The following CRACDL variants were observed in gnomAD, a reference collection of about 807,000 sequenced individuals.
CRACDL encodes CRACD like.
Under a neutral mutation model 70.6 loss-of-function variants are expected in CRACDL, and 26 were observed. That is an observed-to-expected ratio of 0.37 (90% confidence interval 0.27 to 0.51). The LOEUF (loss-of-function observed/expected upper bound fraction) is 0.51, where lower values mean the gene tolerates loss of function less well. CRACDL is among the 20% of genes least tolerant of loss of function. The pLI is 0.94. For synonymous variants in CRACDL, 618 were observed against 615.2 expected, an observed-to-expected ratio of 1.00 and a Z score of -0.07; for missense variants, 1,283 against 1,376.9, an observed-to-expected ratio of 0.93 and a Z score of 1.08.
intron 7 of CRACDL, among the ~76,000 whole-genome samples, chr2:98,802,501 A>C (rs1047199486): frequency 6.0e-5 from 9 of 150,806 alleles, no homozygotes; most frequent in African/African-American, 2.2e-4. Context: ...GAAGATCTAA[A>C]ATGAACCCTT....
Position 98,904,654 on chromosome 2 carries a change from C to A in CRACDL, c.-11+31284G>T, listed in dbSNP as rs536533147. ...GAACAAAGCCACCTTTAATTTATTT[C>A]GTTTCATTCAAGAAGAACAAAACCA... On this transcript the variant is annotated intron_variant, in intron 1 of 9. Coordinates refer to ENST00000397899, the MANE Select transcript of CRACDL (RefSeq NM_207362.3). Among the ~76,000 whole-genome samples the A allele has an allele frequency of 3.9e-5, 6 of 152,352 alleles. No individual in the cohort carries two copies. The South Asian group carries it at 1.2e-3, about 32-fold the overall frequency.
At chr2:98,890,958 G>A (rs185626935) in intron 1 of CRACDL, among the ~76,000 whole-genome samples, 232 of 152,196 alleles carry the variant, frequency 1.5e-3, no homozygotes, top group African/African-American at 5.3e-3. Flanking sequence ...TTGGGAGGCT[G>A]AGGCAAGAGA....
intron 7 of CRACDL, among the ~76,000 whole-genome samples, chr2:98,811,560 T>C (rs1345476493): frequency 1.3e-5 from 2 of 149,328 alleles, no homozygotes; most frequent in Non-Finnish European, 3.0e-5. Flanking sequence ...CTTACATTTA[T>C]AGATAGTAAA....
At chr2:98,810,349 T>C (rs1704503119) in intron 7 of CRACDL, among the ~76,000 whole-genome samples, 1 of 152,164 alleles carries the variant, frequency 6.6e-6, no homozygotes, top group Non-Finnish European at 1.5e-5. Flanking sequence ...AAGCCTTAAA[T>C]GCCTTCTCTA....
chr2:98,808,138 A>C (rs185398052), intron 7 of CRACDL, among the ~76,000 whole-genome samples: 303 of 152,322 alleles, frequency 2.0e-3, no homozygotes, highest in Middle Eastern at 3.4e-3. Flanking sequence ...GCAGACCTGG[A>C]GCCTCACCAC....
intron 1 of CRACDL, among the ~76,000 whole-genome samples, chr2:98,855,265 T>A: frequency 6.7e-6 from 1 of 148,244 alleles, no homozygotes. Flanking sequence ...CAGCCTGGGC[T>A]ACAGAGCAAG....
At chr2:98,799,867 C>T (rs915386967) in intron 7 of CRACDL, among the ~76,000 whole-genome samples, 1 of 152,174 alleles carries the variant, frequency 6.6e-6, no homozygotes, top group Non-Finnish European at 1.5e-5. Flanking sequence ...CCTCCTGGGG[C>T]ATCCCTCCAG....
intron 7 of CRACDL, among the ~76,000 whole-genome samples, chr2:98,813,143 C>T (rs570552891): frequency 6.6e-6 from 1 of 152,106 alleles, no homozygotes; most frequent in East Asian, 1.9e-4. Context: ...AAGAATTTTG[C>T]ATCTAGGGCA....
chr2:98,910,521 A>AAATAAAT (rs1708521593), intron 1 of CRACDL, among the ~76,000 whole-genome samples: 1 of 140,742 alleles, frequency 7.1e-6, no homozygotes, highest in African/African-American at 2.7e-5. Context: ...ACTCTGTCTC[A>AAATAAAT]AAATAAATAA....
At chr2:98,924,794 T>A (rs781726738) in intron 1 of CRACDL, among the ~76,000 whole-genome samples, 1 of 152,220 alleles carries the variant, frequency 6.6e-6, no homozygotes, top group Non-Finnish European at 1.5e-5. Context: ...TAACCAGGAA[T>A]ACCTTAGCCC....
chr2:98,813,523 T>C (rs1259389731), intron 7 of CRACDL, among the ~76,000 whole-genome samples: 1 of 152,164 alleles, frequency 6.6e-6, no homozygotes, highest in Non-Finnish European at 1.5e-5. Flanking sequence ...GGAACATTCA[T>C]AGGCAAAAGT....
chr2:98,928,026 C>T (rs1230825695), intron 1 of CRACDL, among the ~76,000 whole-genome samples: 1 of 151,494 alleles, frequency 6.6e-6, no homozygotes, highest in African/African-American at 2.4e-5. Context: ...GCTAAAAATA[C>T]CAAAAAAAAT....
intron 7 of CRACDL, among the ~76,000 whole-genome samples, chr2:98,812,455 C>T (rs1465387114): frequency 6.6e-6 from 1 of 152,180 alleles, no homozygotes; most frequent in Non-Finnish European, 1.5e-5. Context: ...TTTGCATTCC[C>T]ATTGGCCATA....
intron 1 of CRACDL, among the ~76,000 whole-genome samples, chr2:98,928,527 T>C (rs1347128049): frequency 6.6e-6 from 1 of 152,126 alleles, no homozygotes; most frequent in Non-Finnish European, 1.5e-5. Context: ...GGGCCCTCCC[T>C]GCTGGCTGGC....
chr2:98,874,750 C>A (rs1477422913), intron 1 of CRACDL, among the ~76,000 whole-genome samples: 2 of 152,224 alleles, frequency 1.3e-5, no homozygotes, highest in African/African-American at 4.8e-5. Flanking sequence ...TGTCACCCCA[C>A]CACCCCACCA....
chr2:98,910,991 A>C (rs1438554985), intron 1 of CRACDL, among the ~76,000 whole-genome samples: 2 of 152,224 alleles, frequency 1.3e-5, no homozygotes, highest in African/African-American at 2.4e-5. Context: ...GAAAGATCTA[A>C]GACACCTTTA....
intron 1 of CRACDL, among the ~76,000 whole-genome samples, chr2:98,887,274 C>G (rs1707824779): frequency 6.6e-6 from 1 of 152,030 alleles, no homozygotes; most frequent in African/African-American, 2.4e-5. Context: ...AATTGCTGGT[C>G]AGGAGTTCAA....
In CRACDL at chr2:98,832,845, A is replaced by G; in HGVS notation, c.375+17T>C. The stretch of plus-strand genomic sequence containing the variant: ...TTTGACTTGCACACCAGGCGACATG[A>G]CCAAGGAAACATTTACCTGCAGAGC... On this transcript the variant is annotated intron_variant, in intron 4 of 9. Transcript: ENST00000397899. The G allele has an allele frequency of 6.2e-7, 1 of 1,613,206 alleles. No individual in the cohort carries two copies. The highest frequency in any genetic ancestry group is 8.5e-7 in the Non-Finnish European group (1 of 1,179,792).
chr2:98,891,384 A>AAAAAAAAAAAAAAAAAAAAAAAG (rs1707976336), intron 1 of CRACDL, among the ~76,000 whole-genome samples: 1 of 126,326 alleles, frequency 7.9e-6, no homozygotes, highest in Non-Finnish European at 1.7e-5. Flanking sequence ...CTCAAAAAAA[A>AAAAAAAAAAAAAAAAAAAAAAAG]AAAAAAAAAA....
Sources: gnomAD v4.1 joint callset for allele counts (sites outside exome capture counted in the v4.1 genomes callset) on GRCh38, gnomAD v4.1.1 for gene constraint, MANE v1.5 for transcripts, NCBI Gene and HGNC (gene_info 2026-07-23, HGNC 2026-07-21) for gene names.